Variants in UNC80 observed in about 807,000 individuals in gnomAD.
UNC80 encodes unc-80 subunit of NALCN channel complex.
UNC80 carries 164 observed loss-of-function variants against 384.6 expected under a neutral mutation model. The observed-to-expected ratio is 0.43, with a 90% CI of 0.38 to 0.49. The LOEUF (loss-of-function observed/expected upper bound fraction) is 0.49. Among genes scored for constraint, UNC80 ranks in the 20% least tolerant of loss-of-function variants. UNC80 has a pLI of 0.00. For synonymous variants in UNC80, 1,486 were observed against 1,527.8 expected, an observed-to-expected ratio of 0.97 and a Z score of 0.64; for missense variants, 3,330 against 4,143.0, an observed-to-expected ratio of 0.80 and a Z score of 5.39.
chr2:209,793,895 C>G, intron 7 of UNC80, 36 bp downstream of exon 7: 1 of 1,609,112 alleles, frequency 6.2e-7, no homozygotes, highest in Non-Finnish European at 8.5e-7. Flanking sequence ...AAATGTGTCA[C>G]TGGTCACCAA....
At chr2:209,779,022 C>A (rs2077016589) in intron 4 of UNC80, among the ~76,000 whole-genome samples, 1 of 152,214 alleles carries the variant, frequency 6.6e-6, no homozygotes, top group African/African-American at 2.4e-5. Context: ...GCAACACATA[C>A]ACTGGCCACA....
At chr2:209,859,346 T>C (rs1559213396) in intron 22 of UNC80, among the ~76,000 whole-genome samples, 1 of 152,216 alleles carries the variant, frequency 6.6e-6, no homozygotes, top group Non-Finnish European at 1.5e-5. Context: ...TTCATCCATA[T>C]CCCTGCAAAG....
At chr2:209,892,374 G>T (rs1321993381) in intron 26 of UNC80, among the ~76,000 whole-genome samples, 1 of 152,114 alleles carries the variant, frequency 6.6e-6, no homozygotes, top group African/African-American at 2.4e-5. Flanking sequence ...GGAGATAAAG[G>T]CTAAAATTCA....
chr2:209,870,340 C>T (rs573473037), intron 22 of UNC80, among the ~76,000 whole-genome samples: 4 of 152,264 alleles, frequency 2.6e-5, no homozygotes, highest in African/African-American at 9.6e-5. Flanking sequence ...CTTTACCAGA[C>T]ACAGATTTGC....
chr2:209,819,073 T>C lies in UNC80; in HGVS notation c.1774T>C (p.Phe592Leu). ...ASFNVGYADFFNEHMRKLCNQ... is the reference protein window; with the variant it reads ...ASFNVGYADFLNEHMRKLCNQ... ...ATTCAACGTAGGCTATGCAGACTTT[T>C]TCAATGAGCATATGAGGAAACTCTG... is the stretch of plus-strand genomic sequence containing the variant. Residue 592 changes from phenylalanine (F) to leucine (L), a missense_variant, in exon 12 of 65, where the codon TTC becomes CTC. This residue lies in a region of UNC80 where 937 missense variants were observed against 1,026.8 expected (regional missense o/e 0.91). Transcript: ENST00000673920. 2 of 1,552,036 alleles carry C rather than the reference T, an allele frequency of 1.3e-6. No homozygotes were observed. The highest frequency in any genetic ancestry group is 1.7e-6 in the Non-Finnish European group (2 of 1,147,070).
In UNC80 at chr2:209,976,962, A is replaced by G. The variant is rs2093029810; in HGVS notation, c.8822A>G (p.His2941Arg). ...ENHEELSARQHIADQLERRFI... is the reference protein window; with the variant it reads ...ENHEELSARQRIADQLERRFI... ...CATGAAGAGCTTTCCGCCCGGCAAC[A>G]TATTGCCGACCAGCTGGAGCGGCGC... is the stretch of plus-strand genomic sequence containing the variant. Residue 2941 changes from histidine (H) to arginine (R), a missense_variant, in exon 58 of 65, where the codon CAT (histidine) becomes CGT (arginine). His to Arg is a conservative substitution (Grantham distance 29, BLOSUM62 0). This residue lies in a region of UNC80 where 216 missense variants were observed against 245.3 expected (regional missense o/e 0.88). Coordinates refer to ENST00000673920, the MANE Select transcript of UNC80 (RefSeq NM_001371986.1). This position sits in a 1 kb window ranked among gnomAD's most constrained non-coding sequence, Gnocchi z 4.3. 1.3e-6 allele frequency: 2 copies of G among 1,532,576 alleles called. No homozygotes were observed. Among genetic ancestry groups the G allele is most frequent in the Non-Finnish European group, 1.8e-6 (2 of 1,131,048 alleles). 94.9% of individuals were successfully genotyped at this position (1,532,576 alleles called of 1,614,324 possible).
At chr2:209,934,248 A>T (rs1396410475) in intron 39 of UNC80, among the ~76,000 whole-genome samples, 1 of 152,184 alleles carries the variant, frequency 6.6e-6, no homozygotes, top group African/African-American at 2.4e-5. Context: ...CAGTCCTTGA[A>T]GGGCTGCCAA....
At position 209,976,327 on chromosome 2, in the gene UNC80, G is replaced by A; in HGVS notation, c.8772+24G>A. 2.6e-6 allele frequency: 4 copies of A among 1,551,614 alleles called. No homozygotes were observed. The highest frequency in any genetic ancestry group is 3.5e-6 in the Non-Finnish European group (4 of 1,146,980). ...AGGTGTGGTGTGTGCTTCTCCTCCT[G>A]AAAGTGGCAAGCTCAAATGAATGTG... On this transcript the variant is annotated intron_variant, in intron 57 of 64. Transcript: ENST00000673920. The surrounding 1 kb of genome is among the most constrained non-coding windows in gnomAD (Gnocchi z 4.3).
chr2:209,982,467 G>C, intron 60 of UNC80, 150 bp downstream of exon 60: 1 of 989,856 alleles, frequency 1.0e-6, no homozygotes, highest in Non-Finnish European at 1.3e-6. Flanking sequence ...TTGTCAACTA[G>C]GTTCCTGCAG....
At position 209,842,364 on chromosome 2, in the gene UNC80, T is replaced by A. The variant is rs199664663; in HGVS notation, c.3372T>A (p.Ser1124Arg). 1.3e-6 allele frequency: 2 copies of A among 1,550,890 alleles called. No homozygotes were observed. Among genetic ancestry groups the A allele is most frequent in the Non-Finnish European group, 1.7e-6 (2 of 1,146,544 alleles). The change falls in exon 21 of 65, where the codon AGT (serine) becomes AGA (arginine). Residue 1124 changes from serine (S) to arginine (R), a missense_variant. Ser to Arg is a moderately radical substitution (Grantham distance 110). This residue lies in a region of UNC80 where 801 missense variants were observed against 950.8 expected (regional missense o/e 0.84). Coordinates refer to ENST00000673920, the MANE Select transcript of UNC80 (RefSeq NM_001371986.1). ...TCTTTTTTCAGGTCAAATTCACTAGTGCTGTGAAGCTTTCTGAAGGTGGGC... is the reference window on the plus strand; with the variant it reads ...TCTTTTTTCAGGTCAAATTCACTAGAGCTGTGAAGCTTTCTGAAGGTGGGC... ...IRQSSKVKFT[S>R]AVKLSEGGPG...
At chr2:209,942,429 A>G (rs940857326) in intron 44 of UNC80, among the ~76,000 whole-genome samples, 1 of 152,178 alleles carries the variant, frequency 6.6e-6, no homozygotes, top group African/African-American at 2.4e-5. Flanking sequence ...TTCCCAGTAA[A>G]TGTGGTGTGT....
At chr2:209,902,796 A>G (rs1245728899) in intron 28 of UNC80, among the ~76,000 whole-genome samples, 2 of 152,172 alleles carry the variant, frequency 1.3e-5, no homozygotes, top group Non-Finnish European at 2.9e-5. Context: ...TGATTTTTAT[A>G]TGCACTGGGA....
intron 14 of UNC80, 121 bp from the exon 15 acceptor site, chr2:209,829,111 G>A (rs2080766071): frequency 1.7e-6 from 2 of 1,201,218 alleles, no homozygotes; most frequent in Non-Finnish European, 2.3e-6. Context: ...AGGGTTGCCT[G>A]TCACCAGCGA....
intron 22 of UNC80, among the ~76,000 whole-genome samples, chr2:209,852,544 C>G (rs914713517): frequency 6.6e-6 from 1 of 152,078 alleles, no homozygotes; most frequent in African/African-American, 2.4e-5. Context: ...CAAATAAGGA[C>G]ACACTTACAA....
At chr2:209,776,324 G>T (rs1544581) in intron 3 of UNC80, among the ~76,000 whole-genome samples, 64,392 of 152,082 alleles carry the variant, frequency 0.42, 15,969 homozygotes, top group Non-Finnish European at 0.55. Flanking sequence ...GCTCATGCCT[G>T]TAATCCCACC....
chr2:209,909,389 G>T (rs558754682), intron 29 of UNC80, among the ~76,000 whole-genome samples: 1 of 152,074 alleles, frequency 6.6e-6, no homozygotes. Flanking sequence ...TAAGCCTCAG[G>T]GAAATGAGAA....
intron 48 of UNC80, among the ~76,000 whole-genome samples, chr2:209,955,189 A>G (rs939891704): frequency 1.3e-5 from 2 of 151,952 alleles, no homozygotes; most frequent in East Asian, 3.9e-4. Flanking sequence ...AAAGTGCCAG[A>G]TCCTTAGTGT....
At position 209,823,448 on chromosome 2, in the gene UNC80, C is replaced by G. The variant is rs113595396; in HGVS notation, c.2332-2459C>G. Reference sequence around the variant, plus strand: ...AAGGCTTTGTAGCCTTTACAGAGCCCTCTACACAAAGGCCCTTGACGAAGG... The same window carrying G: ...AAGGCTTTGTAGCCTTTACAGAGCCGTCTACACAAAGGCCCTTGACGAAGG... On this transcript the variant is annotated intron_variant, in intron 13 of 64. Transcript: ENST00000673920. Among the ~76,000 whole-genome samples, 873 of 152,214 alleles carry G rather than the reference C, an allele frequency of 5.7e-3. 11 individuals are homozygous for G. The highest frequency in any genetic ancestry group is 0.02 in the African/African-American group (835 of 41,532).
chr2:209,915,175 C>T lies in UNC80; in HGVS notation c.5029+1235C>T, dbSNP rs180806621. On this transcript the variant is annotated intron_variant, in intron 31 of 64. Coordinates refer to ENST00000673920, the MANE Select transcript of UNC80 (RefSeq NM_001371986.1). ...TGTGTGCAAAACTGGGAGGCCGAGG[C>T]GGGCGGATCACGAGGTCAGGAGATC... Among the ~76,000 whole-genome samples the T allele has an allele frequency of 1.6e-4, 25 of 151,760 alleles. No individual in the cohort carries two copies. In the South Asian group the frequency reaches 3.7e-3, roughly 23 times the overall value.
Sources: gnomAD v4.1 joint callset for allele counts (sites outside exome capture counted in the v4.1 genomes callset) on GRCh38, gnomAD v4.1.1 for gene constraint, gnomAD v4.1.1 regional missense constraint, Gnocchi (gnomAD v3.1) non-coding constraint, MANE v1.5 for transcripts, NCBI Gene and HGNC (gene_info 2026-07-23, HGNC 2026-07-21) for gene names.